MOK: variants seen among roughly 807,000 people sequenced by gnomAD.
The protein encoded by MOK is MAPK/MAK/MRK overlapping kinase.
Under a neutral mutation model 54.2 loss-of-function variants are expected in MOK, and 59 were observed. The observed-to-expected ratio is 1.09, with a 90% CI of 0.88 to 1.35. The LOEUF (loss-of-function observed/expected upper bound fraction) is 1.35, where lower values mean the gene tolerates loss of function less well. MOK is among the 40% of genes most tolerant of loss of function. The pLI is 0.00. For missense variants in MOK, 517 were observed against 526.2 expected (o/e 0.98, Z 0.17); for synonymous variants, 210 against 202.7 (o/e 1.04, Z -0.31).
At chr14:102,227,785 G>C (rs893793961), downstream of MOK, among the ~76,000 whole-genome samples, 5 of 152,292 alleles carry the variant, frequency 3.3e-5, no homozygotes, top group Non-Finnish European at 7.4e-5. Context: ...CCTCCGCGTG[G>C]CCCGCGGTCC....
intron 6 of MOK, 152 bp from the exon 7 acceptor site, chr14:102,251,142 G>T: frequency 1.3e-6 from 1 of 760,996 alleles, no homozygotes; most frequent in Non-Finnish European, 2.1e-6. Flanking sequence ...GCACCTCAAA[G>T]TGCCTCCAGC....
the MOK span, among the ~76,000 whole-genome samples, chr14:102,218,869 A>C: frequency 6.6e-6 from 1 of 152,246 alleles, no homozygotes; most frequent in African/African-American, 2.4e-5. Flanking sequence ...TGCACAGCCC[A>C]GCAGCTCCCG....
the MOK span, among the ~76,000 whole-genome samples, chr14:102,215,692 C>T: frequency 6.6e-6 from 1 of 152,202 alleles, no homozygotes; most frequent in Non-Finnish European, 1.5e-5. Flanking sequence ...TACTCCTCAT[C>T]TTGAATAGTG....
rs150820705 is a variant in MOK, at chr14:102,303,671, A to C, written c.7+1291T>G. ...TGTGTTATTTGTACTGTGATGATGT[A>C]GGAGAATGTCCTTGTTCTTGGCAGA... On this transcript the variant is annotated intron_variant, in intron 1 of 11. Transcript: ENST00000361847. Among the ~76,000 whole-genome samples, 424 of 152,364 alleles carry C rather than the reference A, an allele frequency of 2.8e-3. 4 individuals are homozygous for C. Among genetic ancestry groups the C allele is most frequent in the African/African-American group, 9.6e-3 (400 of 41,584 alleles).
the MOK span, among the ~76,000 whole-genome samples, chr14:102,219,070 C>T: frequency 6.6e-6 from 1 of 152,156 alleles, no homozygotes; most frequent in African/African-American, 2.4e-5. Context: ...CACGGATGAC[C>T]ATTTGGGCAG....
At chr14:102,263,340 C>T (rs1454661313) in intron 4 of MOK, among the ~76,000 whole-genome samples, 1 of 152,258 alleles carries the variant, frequency 6.6e-6, no homozygotes, top group Non-Finnish European at 1.5e-5. Flanking sequence ...CCCAGAGGGC[C>T]TGGGGCTTCC....
At position 102,229,909 on chromosome 14, in the gene MOK, A is replaced by T; in HGVS notation, c.982-252T>A. On this transcript the variant is annotated intron_variant, in intron 10 of 11. Coordinates refer to ENST00000361847, the MANE Select transcript of MOK (RefSeq NM_014226.3). ...TGCAAGCTGAGCAGTGCGGGCGGCAAAGGGCTCGCGGGCTGTGGTGCCCAC... is the reference window on the plus strand; with the variant it reads ...TGCAAGCTGAGCAGTGCGGGCGGCATAGGGCTCGCGGGCTGTGGTGCCCAC... The T allele has an allele frequency of 6.3e-6, 3 of 479,908 alleles. No individual in the cohort carries two copies. The South Asian group carries it at 9.5e-5, about 15-fold the overall frequency. 29.7% of individuals were successfully genotyped at this position (479,908 alleles called of 1,614,324 possible). A position where few individuals can be genotyped will look rare whatever the true frequency, so the allele number is the denominator to read the frequency against.
chr14:102,276,933 C>A lies in MOK; in HGVS notation c.122+6545G>T, dbSNP rs112464366. 7.0e-3 allele frequency among the ~76,000 whole-genome samples: 1,053 copies of A among 151,468 alleles called. 5 individuals carry two copies. Among genetic ancestry groups the A allele is most frequent in the African/African-American group, 0.024 (1,001 of 41,294 alleles). ...GTGTGATCATGGCTCATTGCAGCCT[C>A]AACTTCCTAGGCTCAGCAACGCTCC... On this transcript the variant is annotated intron_variant, in intron 2 of 11. Transcript: ENST00000361847.
chr14:102,243,833 C>A (rs1340879075), intron 7 of MOK, among the ~76,000 whole-genome samples: 1 of 152,234 alleles, frequency 6.6e-6, no homozygotes, highest in South Asian at 2.1e-4. Context: ...TTCCACCAGG[C>A]CTAATCACCG....
chr14:102,292,661 T>C (rs1057002737), intron 1 of MOK, among the ~76,000 whole-genome samples: 1 of 151,952 alleles, frequency 6.6e-6, no homozygotes, highest in Non-Finnish European at 1.5e-5. Flanking sequence ...TGCTCCACTA[T>C]GCACCTTCTC....
Position 102,231,570 on chromosome 14 carries a change from G to T in MOK, c.981+137C>A. 1.4e-6 allele frequency: 1 copy of T among 690,096 alleles called. No individual in the cohort carries two copies. The highest frequency in any genetic ancestry group is 2.5e-6 in the Non-Finnish European group (1 of 395,828). 42.7% of individuals were successfully genotyped at this position (690,096 alleles called of 1,614,324 possible). ...AACACATGGAGCCATCAACTCGCAT[G>T]CTGTTCAGGCCTCGACTGACAATGT... On this transcript the variant is annotated intron_variant, in intron 10 of 11. Transcript: ENST00000361847. This position sits in a 1 kb window ranked among gnomAD's most constrained non-coding sequence, Gnocchi z 4.4.
downstream of MOK, chr14:102,224,801 A>G (rs1399813873): frequency 8.8e-6 from 4 of 455,982 alleles, no homozygotes; most frequent in Admixed American, 9.4e-5. Flanking sequence ...TCTTCTAGAA[A>G]GAGAAATAAT....
chr14:102,230,982 A>C lies in MOK; in HGVS notation c.981+725T>G, dbSNP rs1380787723. On this transcript the variant is annotated intron_variant, in intron 10 of 11. Transcript: ENST00000361847. The surrounding 1 kb of genome is among the most constrained non-coding windows in gnomAD (Gnocchi z 4.1). ...AGCCTGACTGCAGCTCTGGGTTCCC[A>C]GCTCCCAAGCGGTCAGGGAGCACTC... 1.3e-5 allele frequency: 2 copies of C among 152,298 alleles called. No homozygotes were observed. Among genetic ancestry groups the C allele is most frequent in the Non-Finnish European group, 2.9e-5 (2 of 68,086 alleles). The allele number at this position is 152,298 out of a possible 1,614,324, so 9.4% of individuals were successfully genotyped here.
At chr14:102,252,730 T>C (rs892606068) in intron 4 of MOK, among the ~76,000 whole-genome samples, 29 of 152,180 alleles carry the variant, frequency 1.9e-4, no homozygotes, top group Non-Finnish European at 3.8e-4. Flanking sequence ...ATTCAGAGTA[T>C]TCCTAGAAGA....
chr14:102,274,775 A>C (rs2068698422), intron 2 of MOK, among the ~76,000 whole-genome samples: 1 of 151,046 alleles, frequency 6.6e-6, no homozygotes. Flanking sequence ...AAGAGTTTGA[A>C]ACCAGCCTGG....
chr14:102,243,741 T>A (rs2065889798), intron 7 of MOK, among the ~76,000 whole-genome samples: 1 of 152,174 alleles, frequency 6.6e-6, no homozygotes. Flanking sequence ...ATCTCTCTGA[T>A]CCACCTGACA....
intron 2 of MOK, among the ~76,000 whole-genome samples, chr14:102,275,145 G>A (rs1258582460): frequency 3.3e-5 from 5 of 152,178 alleles, no homozygotes; most frequent in Non-Finnish European, 7.4e-5. Context: ...ATTAGCTTTT[G>A]ACAAAATAAT....
chr14:102,219,378 C>T, the MOK span, among the ~76,000 whole-genome samples: 12 of 152,230 alleles, frequency 7.9e-5, no homozygotes, highest in Non-Finnish European at 1.5e-4. Context: ...CGCCGAGGCC[C>T]CTTCCCTGCC....
chr14:102,236,393 G>A lies in MOK; in HGVS notation c.591-2604C>T, dbSNP rs1268835308. Among the ~76,000 whole-genome samples, 1 of 152,176 alleles carries A rather than the reference G, an allele frequency of 6.6e-6. No individual in the cohort carries two copies. The highest frequency in any genetic ancestry group is 1.5e-5 in the Non-Finnish European group (1 of 68,020). On this transcript the variant is annotated intron_variant, in intron 7 of 11. Transcript: ENST00000361847. This position sits in a 1 kb window ranked among gnomAD's most constrained non-coding sequence, Gnocchi z 4.5. ...TCCCTCTCAGGTCTCAGTTGTGGGG[G>A]CTGATGGACTCATCTTGCGTCCACG... is the stretch of plus-strand genomic sequence containing the variant.
Sources: gnomAD v4.1 joint callset for allele counts (sites outside exome capture counted in the v4.1 genomes callset) on GRCh38, gnomAD v4.1.1 for gene constraint, Gnocchi (gnomAD v3.1) non-coding constraint, MANE v1.5 for transcripts, NCBI Gene and HGNC (gene_info 2026-07-23, HGNC 2026-07-21) for gene names.